GLIS3: variants seen among roughly 807,000 people sequenced by gnomAD.
GLIS3 encodes zinc finger protein GLIS3.
In GLIS3, 53 loss-of-function variants were observed where a neutral mutation model predicts 78.6. The ratio of observed to expected loss-of-function variants is 0.67; its 90% CI spans 0.54 to 0.85. The LOEUF (loss-of-function observed/expected upper bound fraction) is 0.85. GLIS3 is among the 40% of genes least tolerant of loss of function. The probability of loss-of-function intolerance (pLI) is 0.00; values close to 1 mark genes in which losing one functional copy is unlikely to be tolerated. For synonymous variants in GLIS3, 684 were observed against 509.9 expected (o/e 1.34, Z -4.60); for missense variants, 1,703 against 1,231.1 (o/e 1.38, Z -5.74).
intron 3 of GLIS3, among the ~76,000 whole-genome samples, chr9:4,121,967 T>C (rs1479886243): frequency 1.3e-5 from 2 of 152,268 alleles, no homozygotes; most frequent in Admixed American, 1.3e-4. Flanking sequence ...TGTATCATTA[T>C]TTGAGAGCAA....
chr9:4,309,926 T>C (rs1817320077), intron 3 of GLIS3, among the ~76,000 whole-genome samples: 1 of 152,170 alleles, frequency 6.6e-6, no homozygotes, highest in South Asian at 2.1e-4. Flanking sequence ...CTCAAAGGTA[T>C]GAAAAAAATG....
In GLIS3 at chr9:3,849,736, C is replaced by T. The variant is rs550045636; in HGVS notation, c.2473+6273G>A. ...CAGTCTGGCCCACATGGTGAAACCC[C>T]GTCTCTACTAAAAATACAAAAAATT... On this transcript the variant is annotated intron_variant, in intron 9 of 10. Coordinates refer to ENST00000381971, the MANE Select transcript of GLIS3 (RefSeq NM_001042413.2). Among the ~76,000 whole-genome samples, 21 of 152,112 alleles carry T rather than the reference C, an allele frequency of 1.4e-4. 1 individual carries two copies. Among genetic ancestry groups the T allele is most frequent in the African/African-American group, 4.8e-4 (20 of 41,498 alleles).
chr9:4,133,101 T>C (rs879822188), intron 2 of GLIS3, among the ~76,000 whole-genome samples: 2 of 152,222 alleles, frequency 1.3e-5, no homozygotes, highest in South Asian at 2.1e-4. Context: ...TTAGATAAAG[T>C]TGAAGCTCAT....
chr9:4,222,762 G>A (rs575813021), intron 2 of GLIS3, among the ~76,000 whole-genome samples: 153 of 152,276 alleles, frequency 1.0e-3, no homozygotes, highest in African/African-American at 3.5e-3. Flanking sequence ...CTGTGGGCTC[G>A]CATTTTGTGT....
chr9:4,196,202 T>C (rs1363620119), intron 2 of GLIS3, among the ~76,000 whole-genome samples: 2 of 152,208 alleles, frequency 1.3e-5, no homozygotes, highest in East Asian at 1.9e-4. Flanking sequence ...GGATTGTATA[T>C]GCACCAATCA....
chr9:4,450,290 T>C, the GLIS3 span, among the ~76,000 whole-genome samples: 2 of 151,568 alleles, frequency 1.3e-5, no homozygotes, highest in African/African-American at 2.4e-5. Context: ...AGAGGAGAAG[T>C]TTAGAGAAAA....
chr9:4,066,292 C>T (rs1422571611), intron 4 of GLIS3, among the ~76,000 whole-genome samples: 2 of 152,186 alleles, frequency 1.3e-5, no homozygotes, highest in Non-Finnish European at 2.9e-5. Context: ...TATCTGACCT[C>T]ACTAGGGTTT....
chr9:3,862,101 G>A (rs1820251088), intron 8 of GLIS3, among the ~76,000 whole-genome samples: 1 of 152,062 alleles, frequency 6.6e-6, no homozygotes, highest in African/African-American at 2.4e-5. Context: ...TACAATTATA[G>A]AATGTTTTAG....
At chr9:3,829,823 A>C (rs1000560924) in intron 9 of GLIS3, among the ~76,000 whole-genome samples, 58 of 152,024 alleles carry the variant, frequency 3.8e-4, no homozygotes, top group African/African-American at 1.3e-3. Context: ...CCTACCCTAG[A>C]CTCTCCCGTC....
chr9:3,989,275 C>A (rs141115669), intron 4 of GLIS3, among the ~76,000 whole-genome samples: 1 of 152,078 alleles, frequency 6.6e-6, no homozygotes, highest in African/African-American at 2.4e-5. Context: ...TGTGAAGAAA[C>A]TGGATCACTC....
intron 9 of GLIS3, among the ~76,000 whole-genome samples, chr9:3,842,483 C>G (rs1225057627): frequency 6.6e-6 from 1 of 152,118 alleles, no homozygotes; most frequent in Non-Finnish European, 1.5e-5. Flanking sequence ...AAAAGACCTC[C>G]CCAAGAGATA....
chr9:4,408,908 G>C, the GLIS3 span, among the ~76,000 whole-genome samples: 1 of 151,618 alleles, frequency 6.6e-6, no homozygotes, highest in Admixed American at 6.6e-5. Context: ...TCCATGATGG[G>C]ATTACTACAC....
intron 4 of GLIS3, among the ~76,000 whole-genome samples, chr9:3,973,225 A>G (rs758596188): frequency 1.3e-5 from 2 of 152,188 alleles, no homozygotes; most frequent in Non-Finnish European, 2.9e-5. Flanking sequence ...GTGTGACAAT[A>G]TACACGGAGT....
chr9:4,174,656 G>A (rs1451738052), intron 2 of GLIS3, among the ~76,000 whole-genome samples: 5 of 152,142 alleles, frequency 3.3e-5, no homozygotes, highest in African/African-American at 1.2e-4. Context: ...TCTGTAAACT[G>A]TGAATTAACC....
At chr9:4,094,114 C>A (rs1183072209) in intron 4 of GLIS3, among the ~76,000 whole-genome samples, 1 of 152,004 alleles carries the variant, frequency 6.6e-6, no homozygotes, top group Admixed American at 6.6e-5. Flanking sequence ...AAAATCTCAA[C>A]CAAAAATACC....
chr9:3,902,005 A>C (rs903728629), intron 6 of GLIS3, among the ~76,000 whole-genome samples: 1 of 152,112 alleles, frequency 6.6e-6, no homozygotes, highest in Non-Finnish European at 1.5e-5. Context: ...TCTATTACCA[A>C]CTACTCTAGG....
At chr9:4,096,217 T>C (rs549541302) in intron 4 of GLIS3, among the ~76,000 whole-genome samples, 63 of 152,348 alleles carry the variant, frequency 4.1e-4, no homozygotes, top group African/African-American at 1.4e-3. Context: ...TGTTTCTACA[T>C]AGTGCTAAAA....
At chr9:4,211,294 A>T (rs1820350120) in intron 2 of GLIS3, among the ~76,000 whole-genome samples, 1 of 152,214 alleles carries the variant, frequency 6.6e-6, no homozygotes, top group Non-Finnish European at 1.5e-5. Context: ...ATAAAATGCA[A>T]ACAATATAAT....
chr9:4,320,731 C>T (rs140452196), intron 2 of GLIS3, among the ~76,000 whole-genome samples: 13 of 152,170 alleles, frequency 8.5e-5, no homozygotes, highest in South Asian at 4.2e-4. Flanking sequence ...GCCAGCACCC[C>T]GGGAACCATC....
Sources: gnomAD v4.1 joint callset for allele counts (sites outside exome capture counted in the v4.1 genomes callset) on GRCh38, gnomAD v4.1.1 for gene constraint, MANE v1.5 for transcripts, NCBI Gene and HGNC (gene_info 2026-07-23, HGNC 2026-07-21) for gene names.